The following ENOSF1 variants were observed in gnomAD, a reference collection of about 807,000 sequenced individuals.
ENOSF1 encodes enolase superfamily member 1, also known as mitochondrial enolase superfamily member 1.
ENOSF1 carries 73 observed loss-of-function variants against 68.2 expected under a neutral mutation model. The observed-to-expected ratio is 1.07, with a 90% CI of 0.89 to 1.30. The LOEUF is 1.30. ENOSF1 is among the 50% of genes most tolerant of loss of function. ENOSF1 has a pLI of 0.00. For synonymous variants in ENOSF1, 223 were observed against 210.4 expected, an observed-to-expected ratio of 1.06 and a Z score of -0.52; for missense variants, 589 against 554.5, an observed-to-expected ratio of 1.06 and a Z score of -0.62.
intron 8 of ENOSF1, among the ~76,000 whole-genome samples, chr18:689,103 G>A (rs1208072505): frequency 1.3e-5 from 2 of 152,042 alleles, no homozygotes; most frequent in African/African-American, 4.8e-5. Flanking sequence ...CATGAAATAG[G>A]CATTACTTCT....
rs1598478433 is a variant in ENOSF1 at position 670,547 on chromosome 18, T to G, written c.*3758A>C. ...CTCCGTGCCATCGCTGCAGAGGCTGTTATGGACATCACTGCAGCCCAGTGG... is the reference window on the plus strand; with the variant it reads ...CTCCGTGCCATCGCTGCAGAGGCTGGTATGGACATCACTGCAGCCCAGTGG... On this transcript the variant is annotated 3_prime_UTR_variant, in exon 16 of 16. Transcript: ENST00000647584. 2 of 801,236 alleles carry G rather than the reference T, an allele frequency of 2.5e-6. No individual in the cohort carries two copies. The allele number at this position is 801,236 out of a possible 1,614,324, so 49.6% of individuals were successfully genotyped here.
chr18:696,010 C>T (rs756390463), intron 3 of ENOSF1, among the ~76,000 whole-genome samples: 3 of 152,044 alleles, frequency 2.0e-5, no homozygotes, highest in South Asian at 4.2e-4. Flanking sequence ...TCCAGTATCA[C>T]GGGACAAAGG....
intron 12 of ENOSF1, chr18:678,465 C>A: frequency 1.9e-6 from 1 of 519,504 alleles, no homozygotes; most frequent in East Asian, 3.0e-5. Context: ...CAATTAGACA[C>A]TTTGAAAAAG....
chr18:681,401 C>A (rs983253232), intron 11 of ENOSF1, among the ~76,000 whole-genome samples: 3 of 152,156 alleles, frequency 2.0e-5, no homozygotes, highest in African/African-American at 7.2e-5. Flanking sequence ...AGGGTTAGAG[C>A]CCTGAGGAGC....
chr18:686,071 G>A (rs2144841071), intron 9 of ENOSF1, 63 bp from the exon 10 acceptor site: 1 of 1,181,768 alleles, frequency 8.5e-7, no homozygotes, highest in East Asian at 2.3e-5. Context: ...GGCATCTGGA[G>A]TTTCTGCAGA....
chr18:693,943 T>C lies in ENOSF1; in HGVS notation c.397-35A>G, dbSNP rs73943354. The C allele has an allele frequency of 1.8e-4, 293 of 1,611,562 alleles. No homozygotes were observed. In the African/African-American group the frequency reaches 3.6e-3, roughly 20 times the overall value. On this transcript the variant is annotated intron_variant, in intron 4 of 15. Coordinates refer to ENST00000647584, the MANE Select transcript of ENOSF1 (RefSeq NM_017512.7). The stretch of plus-strand genomic sequence containing the variant: ...AAAAAGAAAGGATTTGTAAGACATA[T>C]GTGTAAAGTCCCCATTTTTTCCTGA...
intron 1 of ENOSF1, among the ~76,000 whole-genome samples, chr18:708,664 A>G (rs1164032301): frequency 1.3e-5 from 2 of 152,146 alleles, no homozygotes; most frequent in African/African-American, 2.4e-5. Flanking sequence ...TGATGAAGAC[A>G]GAATGTGAGC....
At chr18:706,664 C>T (rs966173194) in intron 1 of ENOSF1, 86 bp from the exon 2 acceptor site, 2 of 1,001,836 alleles carry the variant, frequency 2.0e-6, no homozygotes, top group South Asian at 2.6e-5. Flanking sequence ...TGAGGACAGA[C>T]AATGCCACAG....
At chr18:674,505 GC>G in intron 15 of ENOSF1, 99 bp from the exon 16 acceptor site, 1 of 748,606 alleles carries the variant, frequency 1.3e-6, no homozygotes, top group Non-Finnish European at 2.2e-6. Context: ...TTACGTCTAA[GC>G]CAGAGGCAAT....
chr18:665,354 T>C (rs201810834), downstream of ENOSF1, among the ~76,000 whole-genome samples: 77,312 of 144,950 alleles, frequency 0.53, 21,824 homozygotes, highest in African/African-American at 0.76. Context: ...TCTGTGGGAT[T>C]GGTGGTGATA....
intron 1 of ENOSF1, among the ~76,000 whole-genome samples, chr18:710,755 A>G (rs2079430742): frequency 1.3e-5 from 2 of 152,192 alleles, no homozygotes; most frequent in Non-Finnish European, 2.9e-5. Flanking sequence ...ATATTATTAT[A>G]CCCATTTTAC....
chr18:670,964 T>G lies in ENOSF1; in HGVS notation c.*3341A>C. On this transcript the variant is annotated 3_prime_UTR_variant, in exon 16 of 16. Transcript: ENST00000647584. ...CAAATTGCAGAGTTTAGTCTCTGATTAGCTTTTAAATTTGATATGTGTAAG... is the reference window on the plus strand; with the variant it reads ...CAAATTGCAGAGTTTAGTCTCTGATGAGCTTTTAAATTTGATATGTGTAAG... The G allele has an allele frequency of 2.1e-6, 3 of 1,405,298 alleles. No homozygotes were observed. The South Asian group carries it at 4.1e-5, about 19-fold the overall frequency. 87.1% of individuals were successfully genotyped at this position (1,405,298 alleles called of 1,614,324 possible).
chr18:690,837 C>T, intron 7 of ENOSF1: 1 of 1,427,140 alleles, frequency 7.0e-7, no homozygotes, highest in Non-Finnish European at 9.3e-7. Context: ...CCAGGGCTCT[C>T]CCTACAGTGT....
chr18:683,094 C>G (rs2741183), intron 11 of ENOSF1, 152 bp downstream of exon 11: 191,938 of 886,376 alleles, frequency 0.22, 22,724 homozygotes, highest in Admixed American at 0.27. Flanking sequence ...AGGTCTGTAA[C>G]CCCTGTATTT....
chr18:694,873 ACTT>A lies in ENOSF1; in HGVS notation c.310-542_310-540del, dbSNP rs149095743. Among the ~76,000 whole-genome samples the A allele has an allele frequency of 6.3e-3, 965 of 152,224 alleles. 6 individuals carry two copies. Among genetic ancestry groups the A allele is most frequent in the African/African-American group, 0.02 (840 of 41,528 alleles). On this transcript the variant is annotated intron_variant, in intron 3 of 15. Transcript: ENST00000647584. ...TACATATGAACACACACACATATGTACTTCTTTTTTCTGAACCATTTGAATAAA... is the reference window on the plus strand; with the variant it reads ...TACATATGAACACACACACATATGTACTTTTTTCTGAACCATTTGAATAAA...
At chr18:682,598 G>A (rs1416518602) in intron 11 of ENOSF1, among the ~76,000 whole-genome samples, 1 of 151,882 alleles carries the variant, frequency 6.6e-6, no homozygotes. Context: ...GGCCGGGCGC[G>A]GTGGCTCACT....
chr18:675,733 T>C lies in ENOSF1; in HGVS notation c.1149-331A>G, dbSNP rs2075432081. The stretch of plus-strand genomic sequence containing the variant: ...TCTGGTCAAAAGTCAGATGAATAGA[T>C]TAAAATCACCACATTTTGTGATCTA... On this transcript the variant is annotated intron_variant, in intron 14 of 15. Transcript: ENST00000647584. Among the ~76,000 whole-genome samples, 4 of 152,208 alleles carry C rather than the reference T, an allele frequency of 2.6e-5. 1 individual carries two copies. Among genetic ancestry groups the C allele is most frequent in the Admixed American group, 2.0e-4 (3 of 15,280 alleles).
chr18:711,011 A>C (rs1441964938), intron 1 of ENOSF1, among the ~76,000 whole-genome samples: 1 of 152,156 alleles, frequency 6.6e-6, no homozygotes, highest in Admixed American at 6.5e-5. Context: ...CTCTACAAAA[A>C]ATACAGAAAG....
In ENOSF1 at chr18:670,891, C is replaced by T; in HGVS notation, c.*3414G>A. The T allele has an allele frequency of 6.2e-7, 1 of 1,612,560 alleles. No homozygotes were observed. The stretch of plus-strand genomic sequence containing the variant: ...AGGTGGGCTGTCTCGGGAAGGGTGA[C>T]TTGCCAGCCTACCACACTGAGCTCT... On this transcript the variant is annotated 3_prime_UTR_variant, in exon 16 of 16. Coordinates refer to ENST00000647584, the MANE Select transcript of ENOSF1 (RefSeq NM_017512.7).
Sources: gnomAD v4.1 joint callset for allele counts (sites outside exome capture counted in the v4.1 genomes callset) on GRCh38, gnomAD v4.1.1 for gene constraint, MANE v1.5 for transcripts, NCBI Gene and HGNC (gene_info 2026-07-23, HGNC 2026-07-21) for gene names.